The following LRPPRC variants were observed in gnomAD, a reference collection of about 807,000 sequenced individuals.
LRPPRC encodes leucine-rich PPR motif-containing protein, mitochondrial.
A neutral mutation model predicts 180.3 loss-of-function variants in LRPPRC; 120 were observed. That is an observed-to-expected ratio of 0.67 (90% CI 0.57 to 0.77). LRPPRC has a LOEUF of 0.77. LRPPRC is among the 30% of genes least tolerant of loss of function. The probability of loss-of-function intolerance (pLI) is 0.00; values close to 1 mark genes in which losing one functional copy is unlikely to be tolerated. For synonymous variants in LRPPRC, 723 were observed against 600.0 expected (o/e 1.21, Z -3.00); for missense variants, 2,012 against 1,657.2 (o/e 1.21, Z -3.72).
intron 14 of LRPPRC, among the ~76,000 whole-genome samples, chr2:43,952,651 G>C (rs1314260148): frequency 1.3e-5 from 2 of 152,146 alleles, no homozygotes; most frequent in Non-Finnish European, 1.5e-5. Context: ...CCCAGACTTT[G>C]TACTAGGTTC....
chr2:43,948,576 CAAGATT>C, intron 16 of LRPPRC, 58 bp from the exon 17 acceptor site: 1 of 871,166 alleles, frequency 1.1e-6, no homozygotes, highest in East Asian at 2.4e-5. Flanking sequence ...GTCATGTTAT[CAAGATT>C]AATTTATAAG....
intron 11 of LRPPRC, among the ~76,000 whole-genome samples, chr2:43,967,530 AAAT>A (rs1673615612): frequency 1.3e-5 from 2 of 152,208 alleles, no homozygotes; most frequent in East Asian, 3.9e-4. Flanking sequence ...CAAGATGTAA[AAAT>A]AATGTTTTTA....
chr2:43,888,736 T>TA, intron 37 of LRPPRC, 80 bp from the exon 38 acceptor site: 1 of 780,542 alleles, frequency 1.3e-6, no homozygotes, highest in African/African-American at 1.7e-5. Context: ...CATAAAACAC[T>TA]ACCAACTGGT....
At chr2:43,995,220 C>T (rs539258041) in intron 1 of LRPPRC, among the ~76,000 whole-genome samples, 1 of 152,134 alleles carries the variant, frequency 6.6e-6, no homozygotes, top group African/African-American at 2.4e-5. Flanking sequence ...CAGCCCAACT[C>T]GCGCAACACC....
At chr2:43,959,223 A>G (rs1302937087) in intron 13 of LRPPRC, 3 of 716,362 alleles carry the variant, frequency 4.2e-6, no homozygotes, top group Non-Finnish European at 7.8e-6. Context: ...TGGAAAATCT[A>G]TATAGTATAC....
chr2:43,889,120 G>A (rs1670382574), intron 37 of LRPPRC, among the ~76,000 whole-genome samples: 2 of 152,040 alleles, frequency 1.3e-5, no homozygotes, highest in Non-Finnish European at 2.9e-5. Context: ...TTCAAGACCA[G>A]CGTGGCCAAC....
chr2:43,919,667 A>C (rs752736813), intron 27 of LRPPRC, among the ~76,000 whole-genome samples: 39 of 152,206 alleles, frequency 2.6e-4, no homozygotes, highest in Non-Finnish European at 4.7e-4. Flanking sequence ...TGGTTGGAAG[A>C]GGAAACATCA....
chr2:43,899,061 T>G (rs1670794911), intron 34 of LRPPRC, among the ~76,000 whole-genome samples, 158 bp downstream of exon 34: 1 of 152,158 alleles, frequency 6.6e-6, no homozygotes, highest in Non-Finnish European at 1.5e-5. Flanking sequence ...TACCATCCAG[T>G]CCTTGTCCTG....
chr2:43,966,414 A>ATT (rs70965324), intron 11 of LRPPRC, among the ~76,000 whole-genome samples: 28 of 147,236 alleles, frequency 1.9e-4, no homozygotes, highest in South Asian at 2.2e-4. Context: ...TGGCCACAAT[A>ATT]TTTTTTTTTT....
At chr2:43,984,642 T>G (rs1674448622) in intron 1 of LRPPRC, among the ~76,000 whole-genome samples, 1 of 152,198 alleles carries the variant, frequency 6.6e-6, no homozygotes, top group East Asian at 1.9e-4. Flanking sequence ...CTCTAATACA[T>G]TCTGGAAACA....
Position 43,901,413 on chromosome 2 carries a change from T to A in LRPPRC, c.3476A>T (p.Glu1159Val). 1.9e-6 allele frequency: 3 copies of A among 1,613,718 alleles called. No individual in the cohort carries two copies. Among genetic ancestry groups the A allele is most frequent in the Non-Finnish European group, 2.5e-6 (3 of 1,179,584 alleles). The change falls in exon 32 of 38, where the codon GAA becomes GTA. Residue 1159 changes from glutamate to valine, a missense_variant. Physicochemically the swap from Glu to Val is moderately radical, Grantham distance 121. Transcript: ENST00000260665. The part of the protein sequence containing the change: ...LAMKGDVENI[E>V]VVQKMLNGLE... ...TCCATTTAACATCTTCTGAACTACT[T>A]CTATGTTTTCAACATCACCCTTCAT... is the stretch of plus-strand genomic sequence containing the variant.
chr2:43,938,780 C>G (rs1282784220), intron 23 of LRPPRC, among the ~76,000 whole-genome samples: 1 of 152,076 alleles, frequency 6.6e-6, no homozygotes, highest in Non-Finnish European at 1.5e-5. Context: ...TTTGAGATAC[C>G]AAGAAACATG....
intron 29 of LRPPRC, among the ~76,000 whole-genome samples, chr2:43,917,257 T>A (rs1345940172): frequency 6.6e-6 from 1 of 151,712 alleles, no homozygotes; most frequent in Non-Finnish European, 1.5e-5. Flanking sequence ...GCCAGGATGG[T>A]CTCCATCTCT....
intron 11 of LRPPRC, among the ~76,000 whole-genome samples, chr2:43,969,962 C>G (rs780747352): frequency 2.0e-5 from 3 of 152,142 alleles, no homozygotes; most frequent in Non-Finnish European, 4.4e-5. Flanking sequence ...AGGTGTAAGC[C>G]ACCACACCCA....
rs566526744 is a variant in LRPPRC, at chr2:43,913,505, G to A, written c.3149-947C>T. 6.2e-4 allele frequency among the ~76,000 whole-genome samples: 94 copies of A among 152,284 alleles called. 1 individual carries two copies. Among genetic ancestry groups the A allele is most frequent in the Admixed American group, 3.2e-3 (49 of 15,302 alleles). On this transcript the variant is annotated intron_variant, in intron 29 of 37. Coordinates refer to ENST00000260665, the MANE Select transcript of LRPPRC (RefSeq NM_133259.4). ...CTACTTTAGAAGTTTCTGAACAGGC[G>A]AAAATTGTTACGCTTCTATGTATGA...
intron 31 of LRPPRC, 34 bp from the exon 32 acceptor site, chr2:43,901,558 T>A (rs17031757): frequency 2.2e-6 from 3 of 1,382,582 alleles, no homozygotes; most frequent in African/African-American, 1.4e-5. Flanking sequence ...GCTTTTCTTA[T>A]ATGACCTGTG....
chr2:43,915,232 T>TCA lies in LRPPRC; in HGVS notation c.3149-2676_3149-2675dup, dbSNP rs375631611. ...CTCTCTCTCTCTCTCTCTCTCTCTC[T>TCA]CACACACACACACACACACACACAC... On this transcript the variant is annotated intron_variant, in intron 29 of 37. Coordinates refer to ENST00000260665, the MANE Select transcript of LRPPRC (RefSeq NM_133259.4). Among the ~76,000 whole-genome samples, 124 of 51,882 alleles carry TCA rather than the reference T, an allele frequency of 2.4e-3. 2 individuals are homozygous for TCA. Among genetic ancestry groups the TCA allele is most frequent in the Non-Finnish European group, 3.3e-3 (96 of 28,954 alleles). 34.0% of individuals were successfully genotyped at this position (51,882 alleles called of 152,430 possible).
rs370329167 is a variant in LRPPRC at position 43,895,754 on chromosome 2, C to T, written c.3900+880G>A. 1.6e-4 allele frequency among the ~76,000 whole-genome samples: 25 copies of T among 152,238 alleles called. No homozygotes were observed. In the South Asian group the frequency reaches 1.7e-3, roughly 10 times the overall value. The stretch of plus-strand genomic sequence containing the variant: ...GCCTAAATGTTTCAAATAAAACAAG[C>T]ATCACAGTTGGCATGTGGTTTGAAA... On this transcript the variant is annotated intron_variant, in intron 35 of 37. Coordinates refer to ENST00000260665, the MANE Select transcript of LRPPRC (RefSeq NM_133259.4).
At chr2:43,971,509 A>AAAAAAAAAAAC (rs1673809383) in intron 11 of LRPPRC, among the ~76,000 whole-genome samples, 4 of 148,262 alleles carry the variant, frequency 2.7e-5, no homozygotes, top group African/African-American at 9.9e-5. Flanking sequence ...AAAAAAGAAA[A>AAAAAAAAAAAC]AAATATATAT....
Sources: allele counts gnomAD v4.1 joint callset (sites outside exome capture counted in the v4.1 genomes callset), GRCh38; gene constraint gnomAD v4.1.1; transcripts MANE v1.5; gene names NCBI Gene and HGNC (gene_info 2026-07-23, HGNC 2026-07-21).